PPP1R13B: variants seen among roughly 807,000 people sequenced by gnomAD.
The protein encoded by PPP1R13B is apoptosis-stimulating of p53 protein 1.
A neutral mutation model predicts 119.8 loss-of-function variants in PPP1R13B; 44 were observed. The observed-to-expected ratio is 0.37, with a 90% CI of 0.29 to 0.47. The LOEUF is 0.47. Among genes scored for constraint, PPP1R13B ranks in the 20% least tolerant of loss-of-function variants. PPP1R13B has a pLI of 0.99. For missense variants in PPP1R13B, 1,227 were observed against 1,413.5 expected, an observed-to-expected ratio of 0.87 and a Z score of 2.12; for synonymous variants, 542 against 561.5, an observed-to-expected ratio of 0.97 and a Z score of 0.49.
intron 4 of PPP1R13B, among the ~76,000 whole-genome samples, chr14:103,761,274 T>TAAAAAA (rs59281762): frequency 9.6e-6 from 1 of 104,704 alleles, no homozygotes; most frequent in Non-Finnish European, 1.9e-5. Flanking sequence ...ACCCTATATT[T>TAAAAAA]AAAAAAAAAA....
At chr14:103,798,736 TC>T (rs1378519181) in intron 1 of PPP1R13B, among the ~76,000 whole-genome samples, 1 of 152,180 alleles carries the variant, frequency 6.6e-6, no homozygotes, top group Non-Finnish European at 1.5e-5. Context: ...AGGGTCTCAC[TC>T]CGTCACCCAG....
At chr14:103,765,261 CTG>C (rs2151996945) in intron 4 of PPP1R13B, among the ~76,000 whole-genome samples, 1 of 152,256 alleles carries the variant, frequency 6.6e-6, no homozygotes, top group East Asian at 1.9e-4. Flanking sequence ...TTGAAATAAA[CTG>C]TAACCTAGAA....
intron 1 of PPP1R13B, chr14:103,846,724 C>G (rs2087046443): frequency 2.2e-6 from 1 of 456,006 alleles, no homozygotes; most frequent in African/African-American, 2.0e-5. Context: ...ACAAACGAAC[C>G]TCGTTCAACC....
At position 103,738,161 on chromosome 14, in the gene PPP1R13B, GAT is replaced by G. The variant is rs1040880455; in HGVS notation, c.2865-303_2865-302del. ...GAAACACACATTTAAAAATAGCTAAGATGTGAAATTTTATGTTATGTGTATTT... is the reference window on the plus strand; with the variant it reads ...GAAACACACATTTAAAAATAGCTAAGGTGAAATTTTATGTTATGTGTATTT... On this transcript the variant is annotated intron_variant, in intron 14 of 16. Coordinates refer to ENST00000202556, the MANE Select transcript of PPP1R13B (RefSeq NM_015316.3). The surrounding 1 kb of genome is among the most constrained non-coding windows in gnomAD (Gnocchi z 5.6). 8.5e-5 allele frequency among the ~76,000 whole-genome samples: 13 copies of G among 152,212 alleles called. No homozygotes were observed. The highest frequency in any genetic ancestry group is 2.7e-4 in the African/African-American group (11 of 41,450).
intron 5 of PPP1R13B, among the ~76,000 whole-genome samples, chr14:103,756,599 G>A (rs926068472): frequency 6.6e-6 from 1 of 152,070 alleles, no homozygotes; most frequent in Non-Finnish European, 1.5e-5. Flanking sequence ...GTAGCACATG[G>A]GGAAGCCCCG....
intron 1 of PPP1R13B, among the ~76,000 whole-genome samples, chr14:103,829,038 T>C (rs2086611257): frequency 6.6e-6 from 1 of 152,188 alleles, no homozygotes; most frequent in South Asian, 2.1e-4. Context: ...GTGTGTTAAA[T>C]ATACTGACTG....
chr14:103,764,335 G>T (rs1489916533), intron 4 of PPP1R13B: 1 of 189,608 alleles, frequency 5.3e-6, no homozygotes, highest in Non-Finnish European at 1.1e-5. Context: ...GTTTCAATTT[G>T]CGTTTCCCCA....
At chr14:103,831,675 C>T (rs190740399) in intron 1 of PPP1R13B, among the ~76,000 whole-genome samples, 212 of 151,578 alleles carry the variant, frequency 1.4e-3, no homozygotes, top group Middle Eastern at 3.4e-3. Context: ...GTGGCTCACG[C>T]CTATAATCCC....
At chr14:103,745,471 TAAAG>T (rs1204229642) in intron 9 of PPP1R13B, among the ~76,000 whole-genome samples, 9 of 152,224 alleles carry the variant, frequency 5.9e-5, no homozygotes, top group Non-Finnish European at 1.2e-4. Flanking sequence ...ACCTCAGTCA[TAAAG>T]AAAGTCTTAT....
chr14:103,795,620 G>C (rs1401995777), intron 2 of PPP1R13B, among the ~76,000 whole-genome samples: 1 of 152,150 alleles, frequency 6.6e-6, no homozygotes, highest in East Asian at 1.9e-4. Context: ...TGAGGAATTA[G>C]AATTGATAAC....
rs2084038910 is a variant in PPP1R13B, at chr14:103,734,543, ACAAT to A, written c.*607_*610del. 1 of 456,304 alleles carries A rather than the reference ACAAT, an allele frequency of 2.2e-6. No homozygotes were observed. The highest frequency in any genetic ancestry group is 2.0e-5 in the African/African-American group (1 of 50,074). 28.3% of individuals were successfully genotyped at this position (456,304 alleles called of 1,614,324 possible). On this transcript the variant is annotated 3_prime_UTR_variant, in exon 17 of 17. Coordinates refer to ENST00000202556, the MANE Select transcript of PPP1R13B (RefSeq NM_015316.3). ...AGTCCAGCCACAGTGCTGGGCCTGC[ACAAT>A]CAGCCTTTAGGTGAACTGGAACAGG...
intron 1 of PPP1R13B, among the ~76,000 whole-genome samples, chr14:103,807,137 G>C (rs1215927856): frequency 6.6e-6 from 1 of 152,052 alleles, no homozygotes; most frequent in African/African-American, 2.4e-5. Flanking sequence ...TGCCTCAGGG[G>C]CTTTGCACTT....
intron 2 of PPP1R13B, among the ~76,000 whole-genome samples, chr14:103,796,479 A>C (rs541352291): frequency 3.9e-5 from 6 of 152,190 alleles, no homozygotes; most frequent in Admixed American, 1.3e-4. Flanking sequence ...TCAAGTGTTG[A>C]TGAGAATGTG....
In PPP1R13B at chr14:103,741,362, C is replaced by T. The variant is rs572301211; in HGVS notation, c.1822+428G>A. 1.9e-4 allele frequency among the ~76,000 whole-genome samples: 29 copies of T among 152,308 alleles called. No homozygotes were observed. In the South Asian group the frequency reaches 2.3e-3, roughly 12 times the overall value. ...CTCTGGGCTATGGGGGAGGCTCCTA[C>T]GCAGCAGACGCCCTCCTTAAACTGC... On this transcript the variant is annotated intron_variant, in intron 11 of 16. Coordinates refer to ENST00000202556, the MANE Select transcript of PPP1R13B (RefSeq NM_015316.3).
chr14:103,766,711 G>C (rs573589894), intron 4 of PPP1R13B, among the ~76,000 whole-genome samples: 1 of 152,118 alleles, frequency 6.6e-6, no homozygotes, highest in African/African-American at 2.4e-5. Context: ...GGGTTCAAGC[G>C]ATTCTCCTGC....
At chr14:103,807,752 C>T (rs1281853329) in intron 1 of PPP1R13B, among the ~76,000 whole-genome samples, 2 of 152,016 alleles carry the variant, frequency 1.3e-5, no homozygotes, top group Non-Finnish European at 2.9e-5. Context: ...CCTTGGCCTC[C>T]CAAAGTGCTG....
intron 1 of PPP1R13B, among the ~76,000 whole-genome samples, chr14:103,828,356 C>T (rs374051389): frequency 3.1e-5 from 4 of 128,810 alleles, no homozygotes; most frequent in East Asian, 2.2e-4. Flanking sequence ...GCAACAAGAG[C>T]GAAACTCTGT....
rs2084042932 is a variant in PPP1R13B at position 103,734,637 on chromosome 14, A to G, written c.*517T>C. ...GGAGGCATACACACTGGGCAGCAAC[A>G]CTGGACATGTTTCCATACAGAGGCT... On this transcript the variant is annotated 3_prime_UTR_variant, in exon 17 of 17. Transcript: ENST00000202556. The G allele has an allele frequency of 2.2e-6, 1 of 456,494 alleles. No individual in the cohort carries two copies. 28.3% of individuals were successfully genotyped at this position (456,494 alleles called of 1,614,324 possible). A position where few individuals can be genotyped will look rare whatever the true frequency, so the allele number is the denominator to read the frequency against.
At chr14:103,771,979 CCTAT>C (rs2085081431) in intron 4 of PPP1R13B, among the ~76,000 whole-genome samples, 3 of 152,184 alleles carry the variant, frequency 2.0e-5, no homozygotes, top group African/African-American at 7.2e-5. Context: ...ATCCCTTCCT[CCTAT>C]CTCTTTGCCC....
Sources: allele counts gnomAD v4.1 joint callset (sites outside exome capture counted in the v4.1 genomes callset), GRCh38; gene constraint gnomAD v4.1.1; non-coding constraint Gnocchi (gnomAD v3.1); transcripts MANE v1.5; gene names NCBI Gene and HGNC (gene_info 2026-07-23, HGNC 2026-07-21).